The following UBL3 variants were observed in gnomAD, a reference collection of about 807,000 sequenced individuals.
UBL3 encodes the protein ubiquitin like 3.
Under a neutral mutation model 18.4 loss-of-function variants are expected in UBL3, and 6 were observed. The ratio of observed to expected loss-of-function variants is 0.33; its 90% CI spans 0.18 to 0.64. The LOEUF (loss-of-function observed/expected upper bound fraction) is 0.64, where lower values mean the gene tolerates loss of function less well. Ranked by LOEUF, UBL3 falls within the 30% of genes least tolerant of loss-of-function variation. The probability of loss-of-function intolerance (pLI) is 0.76; values close to 1 mark genes in which losing one functional copy is unlikely to be tolerated. For missense variants in UBL3, 109 were observed against 142.9 expected (o/e 0.76, Z 1.21); for synonymous variants, 49 against 46.6 (o/e 1.05, Z -0.21).
At chr13:29,829,347 C>A (rs1565999749) in intron 1 of UBL3, among the ~76,000 whole-genome samples, 1 of 152,226 alleles carries the variant, frequency 6.6e-6, no homozygotes, top group Non-Finnish European at 1.5e-5. Flanking sequence ...CCAGTTCAAG[C>A]TTCTAGGCCG....
intron 2 of UBL3, among the ~76,000 whole-genome samples, chr13:29,772,563 C>A (rs1014067167): frequency 6.6e-6 from 1 of 151,898 alleles, no homozygotes; most frequent in African/African-American, 2.4e-5. Flanking sequence ...TATTATAATG[C>A]TCCAATATTT....
intron 1 of UBL3, among the ~76,000 whole-genome samples, chr13:29,798,027 T>C (rs9578138): frequency 0.32 from 48,903 of 151,286 alleles, 9,730 homozygotes; most frequent in Non-Finnish European, 0.43. Context: ...ATATTAAATA[T>C]ATATTTTTTT....
Position 29,788,870 on chromosome 13 carries a change from T to TGTGTGTGTGC in UBL3, c.28-11608_28-11607insGCACACACAC, listed in dbSNP as rs1180662351. On this transcript the variant is annotated intron_variant, in intron 1 of 4. Coordinates refer to ENST00000380680, the MANE Select transcript of UBL3 (RefSeq NM_007106.4). ...GTGTGTGTGTGTGTGTGTGTGTGTG[T>TGTGTGTGTGC]GCGCGCGCGCGCGCACGCGCACGTG... 7.8e-3 allele frequency among the ~76,000 whole-genome samples: 162 copies of TGTGTGTGTGC among 20,872 alleles called. 1 individual carries two copies. Among genetic ancestry groups the TGTGTGTGTGC allele is most frequent in the East Asian group, 0.023 (9 of 388 alleles). The allele number at this position is 20,872 out of a possible 152,430, so 13.7% of individuals were successfully genotyped here.
chr13:29,835,129 T>TATAA (rs1566001059), intron 1 of UBL3, among the ~76,000 whole-genome samples: 1 of 3,884 alleles, frequency 2.6e-4, no homozygotes, highest in African/African-American at 1.2e-3. Flanking sequence ...TATATAAATA[T>TATAA]ATATATATAT....
At chr13:29,843,604 CAA>C (rs746560004) in intron 1 of UBL3, among the ~76,000 whole-genome samples, 24 of 152,156 alleles carry the variant, frequency 1.6e-4, no homozygotes, top group East Asian at 1.2e-3. Flanking sequence ...CATTTTTATT[CAA>C]AGTCAGCTAC....
chr13:29,797,802 A>C lies in UBL3; in HGVS notation c.28-20539T>G, dbSNP rs1565993904. Reference sequence around the variant, plus strand: ...TTCCTAACATTGCTCAGTTATTAATACTTCCTTCCTTCTATTAATACATGA... The same window carrying C: ...TTCCTAACATTGCTCAGTTATTAATCCTTCCTTCCTTCTATTAATACATGA... On this transcript the variant is annotated intron_variant, in intron 1 of 4. Coordinates refer to ENST00000380680, the MANE Select transcript of UBL3 (RefSeq NM_007106.4). 2.0e-5 allele frequency among the ~76,000 whole-genome samples: 3 copies of C among 151,868 alleles called. No individual in the cohort carries two copies. In the East Asian group the frequency reaches 5.8e-4, roughly 29 times the overall value.
Position 29,788,279 on chromosome 13 carries a change from CCA to C in UBL3, c.28-11018_28-11017del, listed in dbSNP as rs200101000. ...GTCTGCTCCTTTGTTGTGTCAATTC[CCA>C]GATTCCCTCTCTCCTACTTATTCTA... is the stretch of plus-strand genomic sequence containing the variant. On this transcript the variant is annotated intron_variant, in intron 1 of 4. Transcript: ENST00000380680. Among the ~76,000 whole-genome samples, 151 of 152,248 alleles carry C rather than the reference CCA, an allele frequency of 9.9e-4. 2 individuals are homozygous for C. In the East Asian group the frequency reaches 0.026, roughly 26 times the overall value.
At chr13:29,794,212 G>T (rs1385588958) in intron 1 of UBL3, among the ~76,000 whole-genome samples, 1 of 152,026 alleles carries the variant, frequency 6.6e-6, no homozygotes, top group African/African-American at 2.4e-5. Context: ...CAATACTGAA[G>T]GTATTATCCT....
At position 29,849,742 on chromosome 13, in the gene UBL3, G is replaced by T; in HGVS notation, c.-204C>A. ...GAGGAACAATCCCCAGGAGCTGTGTGGCCGGAGCAGGAGGAAACTCCCGGG... is the reference window on the plus strand; with the variant it reads ...GAGGAACAATCCCCAGGAGCTGTGTTGCCGGAGCAGGAGGAAACTCCCGGG... On this transcript the variant is annotated 5_prime_UTR_variant, in exon 1 of 5. Transcript: ENST00000380680. 1.5e-6 allele frequency: 1 copy of T among 656,936 alleles called. No homozygotes were observed. Among genetic ancestry groups the T allele is most frequent in the Non-Finnish European group, 2.6e-6 (1 of 384,276 alleles). The allele number at this position is 656,936 out of a possible 1,614,324, so 40.7% of individuals were successfully genotyped here.
At chr13:29,788,870 T>TGTGTGCGC (rs1180662351) in intron 1 of UBL3, among the ~76,000 whole-genome samples, 249 of 20,858 alleles carry the variant, frequency 0.012, 2 homozygotes, top group Admixed American at 0.012. Context: ...TGTGTGTGTG[T>TGTGTGCGC]GCGCGCGCGC....
intron 1 of UBL3, among the ~76,000 whole-genome samples, chr13:29,798,999 A>G (rs1877687742): frequency 6.6e-6 from 1 of 152,228 alleles, no homozygotes; most frequent in Admixed American, 6.5e-5. Flanking sequence ...TGCCAAAGGT[A>G]AGTGGGAAAC....
At chr13:29,803,425 C>A (rs1565994921) in intron 1 of UBL3, among the ~76,000 whole-genome samples, 2 of 152,120 alleles carry the variant, frequency 1.3e-5, no homozygotes, top group Admixed American at 6.5e-5. Context: ...ATCAAATCCA[C>A]ACATATCAAT....
chr13:29,805,573 T>A (rs566425711), intron 1 of UBL3, among the ~76,000 whole-genome samples: 1 of 152,196 alleles, frequency 6.6e-6, no homozygotes, highest in East Asian at 1.9e-4. Context: ...TAAAAAATAG[T>A]CTCCTTTAAC....
At chr13:29,775,018 G>GT (rs1043103229) in intron 2 of UBL3, among the ~76,000 whole-genome samples, 3 of 152,252 alleles carry the variant, frequency 2.0e-5, no homozygotes, top group Admixed American at 2.0e-4. Context: ...AGAAAACTGA[G>GT]TAACAATTTG....
intron 1 of UBL3, among the ~76,000 whole-genome samples, chr13:29,798,421 G>C (rs1313025758): frequency 2.0e-5 from 3 of 152,038 alleles, no homozygotes; most frequent in African/African-American, 7.2e-5. Flanking sequence ...CCATTAGAAA[G>C]AAAGAGAAAA....
intron 1 of UBL3, among the ~76,000 whole-genome samples, chr13:29,787,093 A>T (rs781721322): frequency 6.6e-6 from 1 of 152,188 alleles, no homozygotes; most frequent in Non-Finnish European, 1.5e-5. Context: ...AACACTCAAC[A>T]TGAACAAAAA....
At chr13:29,821,272 T>A (rs77297263) in intron 1 of UBL3, among the ~76,000 whole-genome samples, 1 of 152,232 alleles carries the variant, frequency 6.6e-6, no homozygotes, top group South Asian at 2.1e-4. Flanking sequence ...CTATTACTTA[T>A]AGGTTATATA....
At chr13:29,787,778 T>C (rs1338622410) in intron 1 of UBL3, among the ~76,000 whole-genome samples, 5 of 152,228 alleles carry the variant, frequency 3.3e-5, no homozygotes, top group Non-Finnish European at 7.3e-5. Context: ...TTAGGTCACA[T>C]GGCTCATTAA....
chr13:29,820,246 G>A lies in UBL3; in HGVS notation c.27+29266C>T, dbSNP rs1055132659. 1.4e-3 allele frequency among the ~76,000 whole-genome samples: 205 copies of A among 145,568 alleles called. 1 individual carries two copies. The highest frequency in any genetic ancestry group is 4.4e-3 in the African/African-American group (172 of 39,530). ...CTGGAGAGCTCAGTGGCTCGATCTC[G>A]GCTCACTGCAACCTCTGCCTCCCAG... On this transcript the variant is annotated intron_variant, in intron 1 of 4. Coordinates refer to ENST00000380680, the MANE Select transcript of UBL3 (RefSeq NM_007106.4).
Sources: allele counts gnomAD v4.1 joint callset (sites outside exome capture counted in the v4.1 genomes callset), GRCh38; gene constraint gnomAD v4.1.1; transcripts MANE v1.5; gene names NCBI Gene and HGNC (gene_info 2026-07-23, HGNC 2026-07-21).